The following SLC5A12 variants were observed in gnomAD, a reference collection of about 807,000 sequenced individuals.
SLC5A12 encodes solute carrier family 5 member 12.
SLC5A12 carries 46 observed loss-of-function variants against 72.7 expected under a neutral mutation model. The observed-to-expected ratio is 0.63, with a 90% CI of 0.50 to 0.81. The LOEUF (loss-of-function observed/expected upper bound fraction) is 0.81, where lower values mean the gene tolerates loss of function less well. Ranked by LOEUF, SLC5A12 falls within the 30% of genes least tolerant of loss-of-function variation. The pLI, the probability that SLC5A12 is intolerant of heterozygous loss-of-function variation, is 0.00. For synonymous variants in SLC5A12, 275 were observed against 264.4 expected (o/e 1.04, Z -0.39); for missense variants, 683 against 740.7 (o/e 0.92, Z 0.90).
At chr11:26,706,679 G>A (rs1243294488) in intron 4 of SLC5A12, among the ~76,000 whole-genome samples, 1 of 151,712 alleles carries the variant, frequency 6.6e-6, no homozygotes. Context: ...TTTAAGCAAT[G>A]CCATAATCCT....
upstream of SLC5A12, among the ~76,000 whole-genome samples, chr11:26,722,239 G>C (rs1347153613): frequency 1.3e-5 from 2 of 152,174 alleles, no homozygotes; most frequent in Admixed American, 6.5e-5. Context: ...AGAAGGGAGA[G>C]TGAAGGCTGT....
At chr11:26,720,411 C>G (rs931638094) in intron 1 of SLC5A12, among the ~76,000 whole-genome samples, 8 of 151,654 alleles carry the variant, frequency 5.3e-5, no homozygotes, top group Admixed American at 2.6e-4. Flanking sequence ...AGAGTAGATG[C>G]TTAATGAGTA....
Position 26,685,638 on chromosome 11 carries a change from A to C in SLC5A12, c.1221+839T>G, listed in dbSNP as rs1590715119. Among the ~76,000 whole-genome samples the C allele has an allele frequency of 2.6e-5, 4 of 151,896 alleles. No individual in the cohort carries two copies. In the South Asian group the frequency reaches 8.3e-4, roughly 32 times the overall value. ...AACAAACAAACAAAAAAACAAAAAA[A>C]CCCACAAAGACACAACGGGACTGAG... On this transcript the variant is annotated intron_variant, in intron 10 of 14. Coordinates refer to ENST00000396005, the MANE Select transcript of SLC5A12 (RefSeq NM_178498.4).
chr11:26,689,289 T>A (rs59933167), intron 9 of SLC5A12, among the ~76,000 whole-genome samples: 3,058 of 152,082 alleles, frequency 0.02, 100 homozygotes, highest in African/African-American at 0.066. Flanking sequence ...TCTCAGCTAC[T>A]CCGCAGGCTG....
At chr11:26,688,374 G>A (rs992759350) in intron 9 of SLC5A12, among the ~76,000 whole-genome samples, 4 of 152,126 alleles carry the variant, frequency 2.6e-5, no homozygotes, top group Admixed American at 6.5e-5. Flanking sequence ...GCCAGAAATC[G>A]GGAATTATAC....
chr11:26,670,278 A>G lies in SLC5A12; in HGVS notation c.*824T>C, dbSNP rs922050002. The G allele has an allele frequency of 1.3e-5, 2 of 152,062 alleles. No individual in the cohort carries two copies. Among genetic ancestry groups the G allele is most frequent in the Admixed American group, 6.6e-5 (1 of 15,234 alleles). The allele number at this position is 152,062 out of a possible 1,614,324, so 9.4% of individuals were successfully genotyped here. A position where few individuals can be genotyped will look rare whatever the true frequency, so the allele number is the denominator to read the frequency against. Reference sequence around the variant, plus strand: ...TCTTTTACCAAATTCTATCCTAACAACCTTCTATAGGACATTCCTTTTCTC... The same window carrying G: ...TCTTTTACCAAATTCTATCCTAACAGCCTTCTATAGGACATTCCTTTTCTC... On this transcript the variant is annotated 3_prime_UTR_variant, in exon 15 of 15. Transcript: ENST00000396005.
chr11:26,669,217 T>TTCTTTCTTTCTTTCTTTCTTTCTTTCTC lies in SLC5A12; in HGVS notation c.*1884_*1885insGAGAAAGAAAGAAAGAAAGAAAGAAAGA, dbSNP rs1854081808. The TTCTTTCTTTCTTTCTTTCTTTCTTTCTC allele has an allele frequency of 3.7e-5, 3 of 81,694 alleles. No homozygotes were observed. The highest frequency in any genetic ancestry group is 3.5e-4 in the South Asian group (1 of 2,832). 5.1% of individuals were successfully genotyped at this position (81,694 alleles called of 1,614,324 possible). A position where few individuals can be genotyped will look rare whatever the true frequency, so the allele number is the denominator to read the frequency against. Reference sequence around the variant, plus strand: ...TTTCTTTCTTTCTTTCTTTCTTTCTTTCTCTCTCTCCCTCCCTCTTTCTTT... The same window carrying TTCTTTCTTTCTTTCTTTCTTTCTTTCTC: ...TTTCTTTCTTTCTTTCTTTCTTTCTTTCTTTCTTTCTTTCTTTCTTTCTTTCTCTCTCTCTCTCCCTCCCTCTTTCTTT... On this transcript the variant is annotated 3_prime_UTR_variant, in exon 15 of 15. Transcript: ENST00000396005.
At chr11:26,681,453 T>C (rs1303080215) in intron 11 of SLC5A12, among the ~76,000 whole-genome samples, 1 of 152,178 alleles carries the variant, frequency 6.6e-6, no homozygotes, top group Non-Finnish European at 1.5e-5. Context: ...ATGGTGATCA[T>C]TATATTTAGA....
intron 4 of SLC5A12, among the ~76,000 whole-genome samples, chr11:26,704,556 G>A (rs575309683): frequency 6.6e-6 from 1 of 152,254 alleles, no homozygotes; most frequent in Admixed American, 6.5e-5. Flanking sequence ...TATGATGAGA[G>A]ATTTTGTTTC....
At chr11:26,692,030 C>G (rs956953798) in intron 9 of SLC5A12, 9 of 157,136 alleles carry the variant, frequency 5.7e-5, no homozygotes, top group African/African-American at 1.9e-4. Context: ...GCAGGGGTGT[C>G]CAATCTTTTG....
intron 13 of SLC5A12, 144 bp from the exon 14 acceptor site, chr11:26,673,673 G>GC: frequency 9.2e-7 from 1 of 1,086,244 alleles, no homozygotes; most frequent in Non-Finnish European, 1.3e-6. Flanking sequence ...ACAGAAATTG[G>GC]TTAACTGCTG....
chr11:26,673,469 C>T lies in SLC5A12; in HGVS notation c.1640G>A (p.Cys547Tyr). The stretch of plus-strand genomic sequence containing the variant: ...TGTTTTGTACTTCTTAGACCAAAAG[C>T]AAAATAAATTACAAACTGGTCTAAT... Reference protein sequence around the residue: ...LLIRPVCNLFCFWSKKYKTLC... With the variant: ...LLIRPVCNLFYFWSKKYKTLC... The change falls in exon 14 of 15, where the codon TGC (cysteine) becomes TAC (tyrosine). Residue 547 changes from cysteine (C) to tyrosine (Y), a missense_variant. Cys to Tyr is a radical substitution (Grantham distance 194, BLOSUM62 -2). Coordinates refer to ENST00000396005, the MANE Select transcript of SLC5A12 (RefSeq NM_178498.4). 6.2e-7 allele frequency: 1 copy of T among 1,611,842 alleles called. No homozygotes were observed. The highest frequency in any genetic ancestry group is 8.5e-7 in the Non-Finnish European group (1 of 1,178,936).
At chr11:26,679,972 C>T (rs566736566) in intron 12 of SLC5A12, among the ~76,000 whole-genome samples, 20 of 151,952 alleles carry the variant, frequency 1.3e-4, no homozygotes, top group African/African-American at 4.3e-4. Context: ...GATAATTTCA[C>T]TTTTCTGGAC....
chr11:26,692,254 G>T (rs1854697483), intron 9 of SLC5A12: 2 of 433,884 alleles, frequency 4.6e-6, no homozygotes, highest in Admixed American at 7.4e-5. Flanking sequence ...TAGAGTGTAG[G>T]GTAAGTATAG....
intron 1 of SLC5A12, among the ~76,000 whole-genome samples, chr11:26,718,601 C>T (rs137871042): frequency 6.7e-4 from 101 of 151,342 alleles, no homozygotes; most frequent in African/African-American, 2.4e-3. Context: ...TACATGTGCG[C>T]CACCATGCCT....
At chr11:26,677,021 T>C (rs974513623) in intron 13 of SLC5A12, among the ~76,000 whole-genome samples, 1 of 152,154 alleles carries the variant, frequency 6.6e-6, no homozygotes, top group Non-Finnish European at 1.5e-5. Context: ...ATTGTAAGAC[T>C]TTTTAAAAGA....
chr11:26,720,567 T>A (rs1177016751), intron 1 of SLC5A12, among the ~76,000 whole-genome samples: 3 of 150,562 alleles, frequency 2.0e-5, no homozygotes, highest in Admixed American at 6.6e-5. Flanking sequence ...CTTACATATT[T>A]AAAAAAAAAT....
chr11:26,680,975 C>A, intron 12 of SLC5A12, 80 bp downstream of exon 12: 1 of 1,295,252 alleles, frequency 7.7e-7, no homozygotes, highest in South Asian at 2.0e-5. Flanking sequence ...TCTCATCACA[C>A]TTATCTCTGA....
chr11:26,677,254 G>GA (rs1318420578), intron 13 of SLC5A12, among the ~76,000 whole-genome samples: 3 of 152,170 alleles, frequency 2.0e-5, no homozygotes, highest in Non-Finnish European at 4.4e-5. Context: ...CTTATTTGGA[G>GA]AAAAAGAAAA....
Sources: allele counts gnomAD v4.1 joint callset (sites outside exome capture counted in the v4.1 genomes callset), GRCh38; gene constraint gnomAD v4.1.1; transcripts MANE v1.5; gene names NCBI Gene and HGNC (gene_info 2026-07-23, HGNC 2026-07-21).